Variants in MAGI2 observed in about 807,000 individuals in gnomAD.
The protein encoded by MAGI2 is membrane associated guanylate kinase, WW and PDZ domain containing 2, also known as membrane-associated guanylate kinase, WW and PDZ domain-containing protein 2.
A neutral mutation model predicts 133.3 loss-of-function variants in MAGI2; 35 were observed. That is an observed-to-expected ratio of 0.26 (90% CI 0.20 to 0.35). The LOEUF (loss-of-function observed/expected upper bound fraction) is 0.35. Among genes scored for constraint, MAGI2 ranks in the 10% least tolerant of loss-of-function variants. The pLI, the probability that MAGI2 is intolerant of heterozygous loss-of-function variation, is 1.00. For missense variants in MAGI2, 1,636 were observed against 1,863.4 expected, an observed-to-expected ratio of 0.88 and a Z score of 2.25; for synonymous variants, 729 against 710.6, an observed-to-expected ratio of 1.03 and a Z score of -0.41.
intron 2 of MAGI2, among the ~76,000 whole-genome samples, chr7:78,688,447 T>G (rs1215686622): frequency 2.6e-5 from 4 of 152,228 alleles, no homozygotes; most frequent in Non-Finnish European, 5.9e-5. Context: ...GGTTTCTTTT[T>G]TATGAAGACA....
intron 2 of MAGI2, among the ~76,000 whole-genome samples, chr7:78,947,526 A>T (rs1276734077): frequency 6.6e-6 from 1 of 152,186 alleles, no homozygotes; most frequent in African/African-American, 2.4e-5. Context: ...AAGTATTTAC[A>T]TATTCAGTAT....
chr7:78,901,907 A>C (rs1283824305), intron 2 of MAGI2, among the ~76,000 whole-genome samples: 1 of 152,198 alleles, frequency 6.6e-6, no homozygotes. Context: ...CATAAGGAAC[A>C]GATGGAAATA....
At chr7:79,077,574 C>CA (rs769770373) in intron 1 of MAGI2, among the ~76,000 whole-genome samples, 4,183 of 23,618 alleles carry the variant, frequency 0.18, 553 homozygotes, top group Non-Finnish European at 0.28. Context: ...GACTGCCTCT[C>CA]AAAAAAAAAA....
intron 1 of MAGI2, among the ~76,000 whole-genome samples, chr7:79,293,278 ATCTT>A (rs1425620046): frequency 1.3e-5 from 2 of 152,144 alleles, no homozygotes; most frequent in Admixed American, 1.3e-4. Context: ...AAAATGAAAA[ATCTT>A]TATTCCCTTC....
At chr7:78,904,882 G>A (rs1317812513) in intron 2 of MAGI2, among the ~76,000 whole-genome samples, 3 of 152,084 alleles carry the variant, frequency 2.0e-5, no homozygotes, top group Non-Finnish European at 2.9e-5. Context: ...AGACAAACAG[G>A]TCTTCAGTTC....
chr7:78,339,545 T>C (rs1480556339), intron 9 of MAGI2, among the ~76,000 whole-genome samples: 1 of 152,262 alleles, frequency 6.6e-6, no homozygotes, highest in African/African-American at 2.4e-5. Context: ...ACATTTTTTA[T>C]TCTAAAAAGT....
intron 21 of MAGI2, among the ~76,000 whole-genome samples, chr7:78,033,520 A>C (rs907209250): frequency 1.3e-5 from 2 of 151,950 alleles, no homozygotes; most frequent in South Asian, 2.1e-4. Flanking sequence ...ATTTTTATAC[A>C]GGCTTGTGCA....
intron 1 of MAGI2, among the ~76,000 whole-genome samples, chr7:79,029,130 G>A (rs1246640402): frequency 6.6e-6 from 1 of 152,080 alleles, no homozygotes; most frequent in Middle Eastern, 3.2e-3. Context: ...CTATGGCAAT[G>A]AAAAACAACT....
rs373472835 is a variant in MAGI2 at position 78,804,748 on chromosome 7, C to CAAAAAAAAAAAAAAAAAAAAAAA, written c.419-177532_419-177510dup. Among the ~76,000 whole-genome samples the CAAAAAAAAAAAAAAAAAAAAAAA allele has an allele frequency of 1.2e-4, 12 of 97,732 alleles. 1 individual carries two copies. Among genetic ancestry groups the CAAAAAAAAAAAAAAAAAAAAAAA allele is most frequent in the African/African-American group, 5.7e-4 (12 of 21,182 alleles). 64.1% of individuals were successfully genotyped at this position (97,732 alleles called of 152,430 possible). ...TGGGCAACAGAGCGAGACTCTGTCT[C>CAAAAAAAAAAAAAAAAAAAAAAA]AAAAAAAAAAAAAAAAAAAAAAAAC... On this transcript the variant is annotated intron_variant, in intron 2 of 21. Transcript: ENST00000354212.
chr7:79,413,202 CTTAGATG>C (rs1003859319), intron 1 of MAGI2: 4 of 152,084 alleles, frequency 2.6e-5, no homozygotes, highest in African/African-American at 7.2e-5. Context: ...TTACAGACAG[CTTAGATG>C]TTATATTGCA....
chr7:79,392,369 T>C (rs558638289), intron 1 of MAGI2, among the ~76,000 whole-genome samples: 1 of 152,190 alleles, frequency 6.6e-6, no homozygotes, highest in African/African-American at 2.4e-5. Context: ...TTTGGGTATA[T>C]ACCCAGTAAT....
chr7:78,768,760 ATTAT>A (rs1825279254), intron 2 of MAGI2, among the ~76,000 whole-genome samples: 1 of 152,254 alleles, frequency 6.6e-6, no homozygotes, highest in Non-Finnish European at 1.5e-5. Flanking sequence ...TTAAAGAATT[ATTAT>A]TTTTTTCTGC....
intron 6 of MAGI2, among the ~76,000 whole-genome samples, chr7:78,418,295 G>A (rs1798482088): frequency 6.6e-6 from 1 of 152,076 alleles, no homozygotes; most frequent in African/African-American, 2.4e-5. Context: ...CCTATCAAAG[G>A]AACATATACC....
At chr7:78,611,286 A>G (rs137909019) in intron 3 of MAGI2, among the ~76,000 whole-genome samples, 2 of 152,274 alleles carry the variant, frequency 1.3e-5, no homozygotes, top group Non-Finnish European at 2.9e-5. Flanking sequence ...GCCATAATCT[A>G]TCTTTCTTCT....
At chr7:79,311,119 C>A (rs1016407253) in intron 1 of MAGI2, among the ~76,000 whole-genome samples, 18 of 152,128 alleles carry the variant, frequency 1.2e-4, no homozygotes, top group African/African-American at 4.3e-4. Flanking sequence ...TTTCCCTTTT[C>A]CATCAAAACT....
At chr7:78,856,934 G>A (rs1422739440) in intron 2 of MAGI2, among the ~76,000 whole-genome samples, 1 of 152,144 alleles carries the variant, frequency 6.6e-6, no homozygotes. Flanking sequence ...TTGTTGAGCA[G>A]TGGTTTGTAG....
chr7:78,920,373 A>G (rs1419139273), intron 2 of MAGI2, among the ~76,000 whole-genome samples: 1 of 152,184 alleles, frequency 6.6e-6, no homozygotes, highest in Non-Finnish European at 1.5e-5. Flanking sequence ...CATGGTGAGT[A>G]CTCAATAAAT....
intron 6 of MAGI2, among the ~76,000 whole-genome samples, chr7:78,478,795 TAGAG>T (rs1268017306): frequency 1.3e-5 from 2 of 151,900 alleles, no homozygotes; most frequent in South Asian, 2.1e-4. Flanking sequence ...CCGTATATCT[TAGAG>T]AGCACACCAG....
chr7:79,372,555 G>T (rs866255136), intron 1 of MAGI2, among the ~76,000 whole-genome samples: 7 of 151,968 alleles, frequency 4.6e-5, no homozygotes, highest in African/African-American at 1.7e-4. Context: ...TAGAACAAAA[G>T]ACGGCATGTA....
Sources: allele counts gnomAD v4.1 joint callset (sites outside exome capture counted in the v4.1 genomes callset), GRCh38; gene constraint gnomAD v4.1.1; transcripts MANE v1.5; gene names NCBI Gene and HGNC (gene_info 2026-07-23, HGNC 2026-07-21).